The following DRC8 variants were observed in gnomAD, a reference collection of about 807,000 sequenced individuals.
The protein encoded by DRC8 is dynein regulatory complex subunit 8, also known as dynein regulatory complex protein 8.
the DRC8 span, chr1:245,059,332 C>G: frequency 0.97 from 1,244,435 of 1,279,840 alleles, 606,695 homozygotes; most frequent in Non-Finnish European, 1. Flanking sequence ...TTGGAGAAAC[C>G]TGGCCTTTTC....
the DRC8 span, among the ~76,000 whole-genome samples, chr1:245,088,315 G>GAACACACAC: frequency 1.4e-5 from 2 of 145,600 alleles, no homozygotes; most frequent in African/African-American, 5.1e-5. The surrounding 1 kb of genome is among the most constrained non-coding windows in gnomAD (Gnocchi z 4.6). Flanking sequence ...GTTATAACAA[G>GAACACACAC]ACACACACAC....
chr1:245,122,150 G>A, the DRC8 span: 22 of 236,202 alleles, frequency 9.3e-5, no homozygotes, highest in South Asian at 3.9e-4. Flanking sequence ...TGATCCTCCC[G>A]CCTCAGCCTC....
At chr1:245,084,060 CCG>C in the DRC8 span, among the ~76,000 whole-genome samples, 27 of 45,664 alleles carry the variant, frequency 5.9e-4, 3 homozygotes, top group African/African-American at 9.7e-4. Context: ...TATAAAAATT[CCG>C]CCCCCCCCCC....
At chr1:245,119,999 A>G in the DRC8 span, among the ~76,000 whole-genome samples, 2 of 152,142 alleles carry the variant, frequency 1.3e-5, no homozygotes, top group Non-Finnish European at 2.9e-5. Flanking sequence ...CCCAGTGGAT[A>G]ATGCTGGGGC....
the DRC8 span, chr1:244,970,116 A>T: frequency 1.2e-5 from 8 of 674,792 alleles, no homozygotes; most frequent in Non-Finnish European, 1.9e-5. Flanking sequence ...CCGTGTGATG[A>T]AGCAACATGC....
chr1:244,980,953 C>T, the DRC8 span, among the ~76,000 whole-genome samples: 4 of 152,218 alleles, frequency 2.6e-5, no homozygotes, highest in Admixed American at 6.5e-5. Context: ...GAGGCCCAGG[C>T]GGGTGGATTA....
At chr1:244,996,015 C>A in the DRC8 span, among the ~76,000 whole-genome samples, 2 of 152,176 alleles carry the variant, frequency 1.3e-5, no homozygotes, top group Non-Finnish European at 2.9e-5. Flanking sequence ...TAACAAATTA[C>A]CCCCAAAACT....
the DRC8 span, among the ~76,000 whole-genome samples, chr1:245,078,039 A>G: frequency 2.6e-5 from 4 of 152,228 alleles, no homozygotes; most frequent in East Asian, 7.7e-4. Context: ...AATTAAAAAA[A>G]ACGGAAAAAA....
At chr1:245,096,796 T>C in the DRC8 span, among the ~76,000 whole-genome samples, 1 of 152,240 alleles carries the variant, frequency 6.6e-6, no homozygotes, top group Non-Finnish European at 1.5e-5. Context: ...AGCTTTTTAA[T>C]AGCATGGCTT....
chr1:244,970,228 T>C, the DRC8 span: 10 of 756,194 alleles, frequency 1.3e-5, no homozygotes, highest in Non-Finnish European at 2.3e-5. Context: ...GCGAGGGTCG[T>C]GGCGCGAAAC....
chr1:245,015,581 G>C, the DRC8 span: 1 of 159,760 alleles, frequency 6.3e-6, no homozygotes, highest in Non-Finnish European at 1.4e-5. Flanking sequence ...ATGGTGGTGT[G>C]CGCCTGTAGT....
the DRC8 span, among the ~76,000 whole-genome samples, chr1:245,081,623 T>TGC: frequency 3.9e-5 from 6 of 152,002 alleles, no homozygotes; most frequent in African/African-American, 1.5e-4. Context: ...TGTGCGCCAC[T>TGC]ACGCCCATAT....
the DRC8 span, among the ~76,000 whole-genome samples, chr1:245,114,391 G>A: frequency 6.9e-3 from 1,044 of 152,078 alleles, 12 homozygotes; most frequent in African/African-American, 0.023. Context: ...CTTGAAACCC[G>A]GAGGCAGAGG....
At chr1:245,087,047 C>T in the DRC8 span, 1 of 768,534 alleles carries the variant, frequency 1.3e-6, no homozygotes, top group Admixed American at 2.9e-5. Flanking sequence ...TAAAAGAAGT[C>T]CAGAATCTAC....
the DRC8 span, among the ~76,000 whole-genome samples, chr1:245,065,299 C>T: frequency 1.3e-5 from 2 of 151,732 alleles, no homozygotes; most frequent in African/African-American, 4.8e-5. Context: ...GTGATCTGCC[C>T]GCCTCGGCCT....
chr1:245,034,619 A>G, the DRC8 span, among the ~76,000 whole-genome samples: 1 of 149,848 alleles, frequency 6.7e-6, no homozygotes, highest in Non-Finnish European at 1.5e-5. Flanking sequence ...AAAAAAAAAA[A>G]AAAAAAAAGA....
At chr1:245,083,928 C>G in the DRC8 span, 1 of 428,100 alleles carries the variant, frequency 2.3e-6, no homozygotes, top group African/African-American at 2.0e-5. Flanking sequence ...GTGATTACTT[C>G]TATAATTTCA....
At chr1:245,004,208 C>G in the DRC8 span, among the ~76,000 whole-genome samples, 2 of 151,890 alleles carry the variant, frequency 1.3e-5, no homozygotes, top group Non-Finnish European at 2.9e-5. Context: ...AGCCATGGTA[C>G]CCAGCTTTGG....
At chr1:245,004,555 TA>T in the DRC8 span, among the ~76,000 whole-genome samples, 1 of 152,150 alleles carries the variant, frequency 6.6e-6, no homozygotes, top group East Asian at 1.9e-4. Context: ...TTATATGTTT[TA>T]AAAGGATATT....
Sources: allele counts gnomAD v4.1 joint callset (sites outside exome capture counted in the v4.1 genomes callset), GRCh38; gene constraint gnomAD v4.1.1; non-coding constraint Gnocchi (gnomAD v3.1); transcripts MANE v1.5; gene names NCBI Gene and HGNC (gene_info 2026-07-23, HGNC 2026-07-21).